The following AEN variants were observed in gnomAD, a reference collection of about 807,000 sequenced individuals.
AEN encodes the protein apoptosis enhancing nuclease.
In AEN, 21 loss-of-function variants were observed where a neutral mutation model predicts 17.7. That is an observed-to-expected ratio of 1.19 (90% confidence interval 0.84 to 1.71). The LOEUF is 1.71. AEN is among the 40% of genes most tolerant of loss of function. AEN has a pLI of 0.00. For missense variants in AEN, 462 were observed against 435.9 expected (o/e 1.06, Z -0.53); for synonymous variants, 190 against 173.0 (o/e 1.10, Z -0.77).
chr15:88,608,133 A>C, the AEN span: 1 of 531,486 alleles, frequency 1.9e-6, no homozygotes, highest in African/African-American at 1.9e-5. Flanking sequence ...GCATTCTTTC[A>C]TTGGTTGGTG....
chr15:88,621,807 G>C (rs2057791623), intron 1 of AEN: 2 of 152,236 alleles, frequency 1.3e-5, no homozygotes, highest in Admixed American at 6.5e-5. Context: ...GGTTTTTTCA[G>C]GTTTGGGCGA....
At chr15:88,605,345 C>T in the AEN span, among the ~76,000 whole-genome samples, 2 of 152,192 alleles carry the variant, frequency 1.3e-5, no homozygotes, top group African/African-American at 2.4e-5. The surrounding 1 kb of genome is among the most constrained non-coding windows in gnomAD (Gnocchi z 7.6). Context: ...AGCCCGCCGT[C>T]GCCCCTCCTC....
rs1245552534 is a variant in AEN, at chr15:88,630,365, G to A, written c.*71G>A. 8 of 1,437,102 alleles carry A rather than the reference G, an allele frequency of 5.6e-6. No individual in the cohort carries two copies. The highest frequency in any genetic ancestry group is 7.6e-6 in the Non-Finnish European group (8 of 1,050,504). The allele number at this position is 1,437,102 out of a possible 1,614,324, so 89.0% of individuals were successfully genotyped here. The stretch of plus-strand genomic sequence containing the variant: ...GAAGTGGGGGCCAGGAGAGCAGCGG[G>A]CACTCCTTCCTGGGCAGGGTGGGGC... On this transcript the variant is annotated 3_prime_UTR_variant, in exon 4 of 4. Transcript: ENST00000332810. The surrounding 1 kb of genome is among the most constrained non-coding windows in gnomAD (Gnocchi z 5.1).
In AEN at chr15:88,626,745, A is replaced by G. The variant is rs1234410680; in HGVS notation, c.536A>G (p.Lys179Arg). 2 of 1,607,426 alleles carry G rather than the reference A, an allele frequency of 1.2e-6. No individual in the cohort carries two copies. The highest frequency in any genetic ancestry group is 1.7e-6 in the Non-Finnish European group (2 of 1,179,728). The change falls in exon 2 of 4, where the codon AAA becomes AGA. Residue 179 changes from lysine to arginine, a missense_variant. By Grantham distance (26) the Lys-to-Arg change is conservative. Coordinates refer to ENST00000332810, the MANE Select transcript of AEN (RefSeq NM_022767.4). ...RKAVPFQVAQ[K>R]EILKLLKGKV... is the part of the protein sequence containing the mutation. ...GCTGTCCCCTTCCAGGTGGCCCAGA[A>G]AGAGGTAAGGGCAGGGATGGGGACT...
chr15:88,619,891 T>C (rs887373101), upstream of AEN, among the ~76,000 whole-genome samples: 1 of 152,146 alleles, frequency 6.6e-6, no homozygotes, highest in East Asian at 1.9e-4. Flanking sequence ...CTGGACATCA[T>C]GATCTTCCAA....
At chr15:88,606,319 T>C in the AEN span, among the ~76,000 whole-genome samples, 10 of 151,942 alleles carry the variant, frequency 6.6e-5, no homozygotes, top group Non-Finnish European at 1.3e-4. Flanking sequence ...AGGGAGAAGA[T>C]ATTGAAGCCG....
At chr15:88,611,003 C>A in the AEN span, among the ~76,000 whole-genome samples, 1 of 152,144 alleles carries the variant, frequency 6.6e-6, no homozygotes, top group Non-Finnish European at 1.5e-5. Context: ...GGCCAGGATT[C>A]CACCAGCCTC....
the AEN span, among the ~76,000 whole-genome samples, chr15:88,616,255 G>C: frequency 6.6e-6 from 1 of 152,100 alleles, no homozygotes; most frequent in Admixed American, 6.6e-5. Flanking sequence ...CACCATGCCC[G>C]TCTAATTTTT....
intron 2 of AEN, chr15:88,628,529 T>C (rs1418091279): frequency 1.3e-5 from 2 of 152,332 alleles, no homozygotes; most frequent in Non-Finnish European, 2.9e-5. Context: ...GTTAAGAGGA[T>C]GAGGAGGAGT....
At chr15:88,613,440 G>A in the AEN span, among the ~76,000 whole-genome samples, 3 of 152,192 alleles carry the variant, frequency 2.0e-5, no homozygotes, top group Admixed American at 6.5e-5. Context: ...CCTTCACAGC[G>A]GGAGAGAAGC....
In AEN at chr15:88,629,299, T is replaced by G. The variant is rs772751463; in HGVS notation, c.614T>G (p.Val205Gly). Reference protein sequence around the residue: ...LHNDFQALKYVHPRSQTRDTT... With the variant: ...LHNDFQALKYGHPRSQTRDTT... The stretch of plus-strand genomic sequence containing the variant: ...AACGACTTCCAGGCGCTCAAGTATG[T>G]CCACCCTCGGAGCCAGACCCGGGAT... Residue 205 changes from valine (V) to glycine (G), a missense_variant, in exon 3 of 4, where the codon GTC becomes GGC. Val to Gly is a moderately radical substitution (Grantham distance 109). Coordinates refer to ENST00000332810, the MANE Select transcript of AEN (RefSeq NM_022767.4). 4 of 1,614,000 alleles carry G rather than the reference T, an allele frequency of 2.5e-6. No individual in the cohort carries two copies. Among genetic ancestry groups the G allele is most frequent in the African/African-American group, 1.3e-5 (1 of 74,904 alleles).
At chr15:88,627,107 T>G in intron 2 of AEN, 1 of 236,952 alleles carries the variant, frequency 4.2e-6, no homozygotes. Context: ...TGTTTTGGCA[T>G]ATTTCCTTAT....
upstream of AEN, among the ~76,000 whole-genome samples, chr15:88,618,351 A>G (rs772025565): frequency 6.6e-6 from 1 of 152,228 alleles, no homozygotes; most frequent in Non-Finnish European, 1.5e-5. Context: ...CTGTCACACA[A>G]TTATGCAGAT....
chr15:88,606,712 T>TCGATCCCGCGTAAGGCCC, the AEN span, among the ~76,000 whole-genome samples: 14 of 152,196 alleles, frequency 9.2e-5, no homozygotes, highest in Non-Finnish European at 2.1e-4. Context: ...GAGAGGCACA[T>TCGATCCCGCGTAAGGCCC]CGATCCCGCG....
At position 88,630,239 on chromosome 15, in the gene AEN, A is replaced by G. The variant is rs2057911072; in HGVS notation, c.923A>G (p.Asp308Gly). Residue 308 changes from aspartate (D) to glycine (G), a missense_variant, in exon 4 of 4, where the codon GAC becomes GGC. By Grantham distance (94) the Asp-to-Gly change is moderately conservative. Coordinates refer to ENST00000332810, the MANE Select transcript of AEN (RefSeq NM_022767.4). The surrounding 1 kb of genome is among the most constrained non-coding windows in gnomAD (Gnocchi z 5.1). ...QYMEDQYWPD[D>G]LAHGSRGGAR... is the part of the protein sequence containing the mutation. ...ATGGAGGACCAGTACTGGCCCGATGACCTGGCCCACGGCAGCAGAGGAGGA... is the reference window on the plus strand; with the variant it reads ...ATGGAGGACCAGTACTGGCCCGATGGCCTGGCCCACGGCAGCAGAGGAGGA... The G allele has an allele frequency of 1.2e-6, 2 of 1,601,536 alleles. No homozygotes were observed. Among genetic ancestry groups the G allele is most frequent in the East Asian group, 4.5e-5 (2 of 44,488 alleles).
rs1048696182 is a variant in AEN, at chr15:88,631,492, G to C, written c.*1198G>C. On this transcript the variant is annotated 3_prime_UTR_variant, in exon 4 of 4. Coordinates refer to ENST00000332810, the MANE Select transcript of AEN (RefSeq NM_022767.4). The stretch of plus-strand genomic sequence containing the variant: ...TTGCAGCTTAGCTTTGAGATACTAA[G>C]CAAGCGAGGGACTTCACTCTTGAGG... 8 of 221,518 alleles carry C rather than the reference G, an allele frequency of 3.6e-5. No individual in the cohort carries two copies. The highest frequency in any genetic ancestry group is 6.6e-5 in the Non-Finnish European group (7 of 105,602). The allele number at this position is 221,518 out of a possible 1,614,324, so 13.7% of individuals were successfully genotyped here. A position where few individuals can be genotyped will look rare whatever the true frequency, so the allele number is the denominator to read the frequency against.
the AEN span, among the ~76,000 whole-genome samples, chr15:88,605,431 G>A: frequency 6.6e-6 from 1 of 152,202 alleles, no homozygotes; most frequent in Non-Finnish European, 1.5e-5. The surrounding 1 kb of genome is among the most constrained non-coding windows in gnomAD (Gnocchi z 7.6). Context: ...GGCGTTCCAA[G>A]CCTCTCCTCT....
At chr15:88,622,459 C>A (rs2057800110) in intron 1 of AEN, among the ~76,000 whole-genome samples, 1 of 152,208 alleles carries the variant, frequency 6.6e-6, no homozygotes, top group Non-Finnish European at 1.5e-5. Context: ...CAGCTGGAAG[C>A]ATCGGCAGAC....
rs1479727406 is a variant in AEN at position 88,626,523 on chromosome 15, C to T, written c.314C>T (p.Pro105Leu). The change falls in exon 2 of 4, where the codon CCC becomes CTC. Residue 105 changes from proline to leucine, a missense_variant. By Grantham distance (98) the Pro-to-Leu change is moderately conservative. Transcript: ENST00000332810. ...RRPAPGKASG[P>L]LPSKCVAIDC... ...CCTGCTCCCGGGAAAGCCTCAGGGCCCTTGCCCAGCAAGTGTGTGGCTATC... is the reference window on the plus strand; with the variant it reads ...CCTGCTCCCGGGAAAGCCTCAGGGCTCTTGCCCAGCAAGTGTGTGGCTATC... 6.2e-7 allele frequency: 1 copy of T among 1,614,066 alleles called. No homozygotes were observed. Among genetic ancestry groups the T allele is most frequent in the African/African-American group, 1.3e-5 (1 of 74,946 alleles).
Sources: gnomAD v4.1 joint callset for allele counts (sites outside exome capture counted in the v4.1 genomes callset) on GRCh38, gnomAD v4.1.1 for gene constraint, Gnocchi (gnomAD v3.1) non-coding constraint, MANE v1.5 for transcripts, NCBI Gene and HGNC (gene_info 2026-07-23, HGNC 2026-07-21) for gene names.